RFWD3: variants seen among roughly 807,000 people sequenced by gnomAD.
RFWD3 encodes E3 ubiquitin-protein ligase RFWD3.
In RFWD3, 65 loss-of-function variants were observed where a neutral mutation model predicts 87.7. The ratio of observed to expected loss-of-function variants is 0.74; its 90% CI spans 0.61 to 0.91. The LOEUF (loss-of-function observed/expected upper bound fraction) is 0.91, where lower values mean the gene tolerates loss of function less well. RFWD3 is among the 40% of genes least tolerant of loss of function. The probability of loss-of-function intolerance (pLI) is 0.00; values close to 1 mark genes in which losing one functional copy is unlikely to be tolerated. For synonymous variants in RFWD3, 433 were observed against 352.8 expected, an observed-to-expected ratio of 1.23 and a Z score of -2.55; for missense variants, 1,078 against 938.5, an observed-to-expected ratio of 1.15 and a Z score of -1.94.
intron 2 of RFWD3, among the ~76,000 whole-genome samples, chr16:74,660,189 T>G (rs1425682131): frequency 6.6e-6 from 1 of 152,144 alleles, no homozygotes; most frequent in Non-Finnish European, 1.5e-5. Flanking sequence ...TCTATAGTTA[T>G]GAGACCCTGA....
intron 1 of RFWD3, 59 bp from the exon 2 acceptor site, chr16:74,661,510 TGACA>T: frequency 7.4e-7 from 1 of 1,355,440 alleles, no homozygotes; most frequent in South Asian, 1.4e-5. Context: ...GCTATGTAGG[TGACA>T]GAATCATATT....
intron 11 of RFWD3, among the ~76,000 whole-genome samples, chr16:74,628,147 C>T (rs1958990246): frequency 6.6e-6 from 1 of 152,182 alleles, no homozygotes; most frequent in South Asian, 2.1e-4. Flanking sequence ...CAAGGTGGCT[C>T]AATGACCTAG....
In RFWD3 at chr16:74,638,033, G is replaced by A. The variant is rs116205348; in HGVS notation, c.1080-63C>T. 2.5e-3 allele frequency: 2,669 copies of A among 1,088,144 alleles called. 37 individuals carry two copies. The African/African-American group carries it at 0.036, about 15-fold the overall frequency. 67.4% of individuals were successfully genotyped at this position (1,088,144 alleles called of 1,614,324 possible). A position where few individuals can be genotyped will look rare whatever the true frequency, so the allele number is the denominator to read the frequency against. On this transcript the variant is annotated intron_variant, in intron 6 of 12. Transcript: ENST00000361070. ...AGGCTACAGAAGACTTCCCATCCAGGTGGCAGAGTTAAGTTCATGCTATGA... is the reference window on the plus strand; with the variant it reads ...AGGCTACAGAAGACTTCCCATCCAGATGGCAGAGTTAAGTTCATGCTATGA...
At chr16:74,637,822 CAA>C in intron 7 of RFWD3, 32 bp downstream of exon 7, 1 of 1,514,256 alleles carries the variant, frequency 6.6e-7, no homozygotes, top group Non-Finnish European at 9.1e-7. Flanking sequence ...ATTCCTATTC[CAA>C]AAGTTCTTTG....
chr16:74,651,877 T>G, intron 3 of RFWD3, 43 bp downstream of exon 3: 1 of 1,561,264 alleles, frequency 6.4e-7, no homozygotes, highest in African/African-American at 1.4e-5. Flanking sequence ...TTAAGCTTCA[T>G]GGATGTTAGC....
chr16:74,649,469 T>A (rs551941320), intron 3 of RFWD3, among the ~76,000 whole-genome samples: 1 of 152,216 alleles, frequency 6.6e-6, no homozygotes. Context: ...TAAAAAATAA[T>A]CAATATTTTG....
At chr16:74,629,991 T>C (rs1256086587) in intron 10 of RFWD3, among the ~76,000 whole-genome samples, 4 of 152,212 alleles carry the variant, frequency 2.6e-5, no homozygotes, top group Admixed American at 2.0e-4. Flanking sequence ...ATAATAATAA[T>C]ATGGTATCTT....
intron 6 of RFWD3, 29 bp downstream of exon 6, chr16:74,644,333 T>A: frequency 1.2e-6 from 2 of 1,607,810 alleles, no homozygotes; most frequent in Non-Finnish European, 1.7e-6. Context: ...AAAGGGAACA[T>A]TCCAGCCAGG....
At chr16:74,666,080 G>C (rs983525143) in intron 1 of RFWD3, among the ~76,000 whole-genome samples, 5 of 152,074 alleles carry the variant, frequency 3.3e-5, no homozygotes, top group South Asian at 2.1e-4. Flanking sequence ...AGAGGAGGGA[G>C]AGGGAGACGG....
At chr16:74,640,611 C>T (rs904063414) in intron 6 of RFWD3, among the ~76,000 whole-genome samples, 3 of 151,928 alleles carry the variant, frequency 2.0e-5, no homozygotes, top group Admixed American at 1.3e-4. Flanking sequence ...CCACTGCACT[C>T]TGGCCTTTGT....
chr16:74,649,032 T>C, intron 4 of RFWD3, 100 bp downstream of exon 4: 1 of 665,274 alleles, frequency 1.5e-6, no homozygotes, highest in East Asian at 4.0e-5. Context: ...CAGTGAGTTA[T>C]GACTGCACCA....
At chr16:74,629,198 C>T (rs890224885) in intron 10 of RFWD3, among the ~76,000 whole-genome samples, 4 of 152,174 alleles carry the variant, frequency 2.6e-5, no homozygotes, top group East Asian at 1.9e-4. Context: ...ATCATCCTTC[C>T]GACTGTGTTC....
intron 11 of RFWD3, among the ~76,000 whole-genome samples, chr16:74,627,859 C>A (rs1958981216): frequency 6.6e-6 from 1 of 152,112 alleles, no homozygotes; most frequent in Admixed American, 6.6e-5. Context: ...GACCTCAAGA[C>A]CAAATTAGAA....
At position 74,624,072 on chromosome 16, in the gene RFWD3, C is replaced by G; in HGVS notation, c.2182-1G>C. On this transcript the variant is annotated splice_acceptor_variant, in intron 12 of 12. Transcript: ENST00000361070. LOFTEE classifies it high-confidence loss of function. ...ACGAGCCACTGGCAGCATCCCACAG[C>G]TAAAGAACACAAGCAGAGGGAAGGG... 1.2e-6 allele frequency: 2 copies of G among 1,613,526 alleles called. No homozygotes were observed. The highest frequency in any genetic ancestry group is 2.7e-5 in the African/African-American group (2 of 75,008).
rs535071191 is a variant in RFWD3, at chr16:74,634,832, G to A, written c.1426+1514C>T. Among the ~76,000 whole-genome samples, 165 of 151,978 alleles carry A rather than the reference G, an allele frequency of 1.1e-3. 1 individual carries two copies. Among genetic ancestry groups the A allele is most frequent in the Non-Finnish European group, 1.4e-3 (95 of 67,978 alleles). ...GAAAAAAAAAGGGGGGAAGGGGGGC[G>A]CAGGTATAGGCTTTAAATCAACAAG... On this transcript the variant is annotated intron_variant, in intron 8 of 12. Coordinates refer to ENST00000361070, the MANE Select transcript of RFWD3 (RefSeq NM_018124.4).
chr16:74,623,832 G>T lies in RFWD3; in HGVS notation c.*96C>A. On this transcript the variant is annotated 3_prime_UTR_variant, in exon 13 of 13. Coordinates refer to ENST00000361070, the MANE Select transcript of RFWD3 (RefSeq NM_018124.4). ...ACAAACCATGATTCCCAATGTTCTA[G>T]ACTGCAGACAATAAACAGGGATCTT... 5 of 1,331,280 alleles carry T rather than the reference G, an allele frequency of 3.8e-6. No individual in the cohort carries two copies. Among genetic ancestry groups the T allele is most frequent in the South Asian group, 2.6e-5 (2 of 76,068 alleles). The allele number at this position is 1,331,280 out of a possible 1,614,324, so 82.5% of individuals were successfully genotyped here.
At chr16:74,630,253 GC>G (rs1420157057) in intron 10 of RFWD3, among the ~76,000 whole-genome samples, 5 of 152,264 alleles carry the variant, frequency 3.3e-5, no homozygotes, top group African/African-American at 1.2e-4. Flanking sequence ...GTGCCACCAC[GC>G]ATGGCTAACA....
chr16:74,660,128 T>C (rs919204355), intron 2 of RFWD3, among the ~76,000 whole-genome samples: 3 of 152,176 alleles, frequency 2.0e-5, no homozygotes, highest in African/African-American at 7.2e-5. Flanking sequence ...CATCTGCCTA[T>C]GTAGAAAACA....
In RFWD3 at chr16:74,637,958, C is replaced by G. The variant is rs771799855; in HGVS notation, c.1092G>C (p.Lys364Asn). The G allele has an allele frequency of 6.2e-7, 1 of 1,610,286 alleles. No homozygotes were observed. The highest frequency in any genetic ancestry group is 1.7e-5 in the Admixed American group (1 of 59,866). ...CGGCCTGTTTCCTTAGCATCTGTTC[C>G]TTCAGTAGGGAACTAGAGGGGGAAA... ...EQERMKSSLL[K>N]EQMLRKQAEL... The change falls in exon 7 of 13, where the codon AAG (lysine) becomes AAC (asparagine). Residue 364 changes from lysine (K) to asparagine (N), a missense_variant. Coordinates refer to ENST00000361070, the MANE Select transcript of RFWD3 (RefSeq NM_018124.4).
Sources: gnomAD v4.1 joint callset for allele counts (sites outside exome capture counted in the v4.1 genomes callset) on GRCh38, gnomAD v4.1.1 for gene constraint, MANE v1.5 for transcripts, NCBI Gene and HGNC (gene_info 2026-07-23, HGNC 2026-07-21) for gene names.